The following KRT31 variants were observed in gnomAD, a reference collection of about 807,000 sequenced individuals.
The protein encoded by KRT31 is keratin 31, also known as keratin, type I cuticular Ha1.
In KRT31, 27 loss-of-function variants were observed where a neutral mutation model predicts 40.8. The observed-to-expected ratio is 0.66, with a 90% CI of 0.49 to 0.91. The LOEUF is 0.91. KRT31 is among the 40% of genes least tolerant of loss of function. KRT31 has a pLI of 0.00. For missense variants in KRT31, 510 were observed against 544.1 expected (o/e 0.94, Z 0.62); for synonymous variants, 231 against 231.9 (o/e 1.00, Z 0.03).
Position 41,393,899 on chromosome 17 carries a change from G to A in KRT31, c.*117C>T, listed in dbSNP as rs1047449. On this transcript the variant is annotated 3_prime_UTR_variant, in exon 7 of 7. Transcript: ENST00000251645. ...TGGGTGAGTTTCTTGGCTGCCTTAC[G>A]CGGGCAACTCCAGCCATGCAAATGA... 9.7e-5 allele frequency: 113 copies of A among 1,170,542 alleles called. No individual in the cohort carries two copies. The highest frequency in any genetic ancestry group is 2.9e-4 in the Middle Eastern group (1 of 3,416). 72.5% of individuals were successfully genotyped at this position (1,170,542 alleles called of 1,614,324 possible). A position where few individuals can be genotyped will look rare whatever the true frequency, so the allele number is the denominator to read the frequency against.
Position 41,397,245 on chromosome 17 carries a change from G to A in KRT31, c.295C>T (p.Leu99=). 3.7e-6 allele frequency: 6 copies of A among 1,614,242 alleles called. No homozygotes were observed. Among genetic ancestry groups the A allele is most frequent in the Non-Finnish European group, 4.2e-6 (5 of 1,180,040 alleles). ...RERSQQQEPL[L]CPSYQSYFKT... ...AAATAGGACTGGTAACTGGGGCACA[G>A]CAAGGGCTCCTGCTGCTGAGACCGC... Residue 99 remains leucine, a synonymous_variant, in exon 1 of 7, where the codon CTG becomes TTG. Transcript: ENST00000251645.
chr17:41,395,738 G>T, intron 3 of KRT31, 115 bp from the exon 4 acceptor site: 1 of 1,284,478 alleles, frequency 7.8e-7, no homozygotes, highest in Non-Finnish European at 1.1e-6. Context: ...AACTTTGAGT[G>T]GAGCAGTTTG....
At chr17:41,396,082 A>T (rs1460903589) in intron 3 of KRT31, among the ~76,000 whole-genome samples, 1 of 149,706 alleles carries the variant, frequency 6.7e-6, no homozygotes, top group Non-Finnish European at 1.5e-5. Flanking sequence ...ATAAGGTTTG[A>T]TATTTTTTTT....
chr17:41,397,265 G>A lies in KRT31; in HGVS notation c.275C>T (p.Ser92Phe). Residue 92 changes from serine to phenylalanine, a missense_variant, in exon 1 of 7, where the codon TCT (serine) becomes TTT (phenylalanine). Transcript: ENST00000251645. ...GCACAGCAAGGGCTCCTGCTGCTGAGACCGCTCCCGGATGAGGTTCTCCAG... is the reference window on the plus strand; with the variant it reads ...GCACAGCAAGGGCTCCTGCTGCTGAAACCGCTCCCGGATGAGGTTCTCCAG... ...AELENLIRER[S>F]QQQEPLLCPS... 1.2e-6 allele frequency: 2 copies of A among 1,614,224 alleles called. No individual in the cohort carries two copies. The highest frequency in any genetic ancestry group is 1.7e-6 in the Non-Finnish European group (2 of 1,180,036).
chr17:41,396,350 C>T (rs929499712), intron 3 of KRT31, 70 bp downstream of exon 3: 2 of 1,498,002 alleles, frequency 1.3e-6, no homozygotes, highest in African/African-American at 2.8e-5. Context: ...ATTCTGCTGC[C>T]CCAAATCACT....
chr17:41,395,132 A>G (rs1218619792), intron 5 of KRT31, 64 bp from the exon 6 acceptor site: 6 of 1,609,164 alleles, frequency 3.7e-6, no homozygotes, highest in Non-Finnish European at 5.1e-6. Flanking sequence ...TCACAGGATT[A>G]CAAGGAAGTC....
Position 41,394,842 on chromosome 17 carries a change from A to G in KRT31, c.1097+6T>C. Reference sequence around the variant, plus strand: ...TTTCATCAAACACGTCTGCCCATGTACTCACTTGCAGTCCTCGCTCTCCAG... The same window carrying G: ...TTTCATCAAACACGTCTGCCCATGTGCTCACTTGCAGTCCTCGCTCTCCAG... On this transcript the variant is annotated splice_donor_region_variant and intron_variant, in intron 6 of 6. Transcript: ENST00000251645. 1.2e-6 allele frequency: 2 copies of G among 1,613,938 alleles called. No individual in the cohort carries two copies. Among genetic ancestry groups the G allele is most frequent in the South Asian group, 1.1e-5 (1 of 91,074 alleles).
rs192729451 is a variant in KRT31 at position 41,393,900 on chromosome 17, C to T, written c.*116G>A. On this transcript the variant is annotated 3_prime_UTR_variant, in exon 7 of 7. Transcript: ENST00000251645. ...GGGTGAGTTTCTTGGCTGCCTTACG[C>T]GGGCAACTCCAGCCATGCAAATGAT... 332 of 1,203,414 alleles carry T rather than the reference C, an allele frequency of 2.8e-4. 3 individuals are homozygous for T. The East Asian group carries it at 5.7e-3, about 21-fold the overall frequency. 74.5% of individuals were successfully genotyped at this position (1,203,414 alleles called of 1,614,324 possible).
At chr17:41,396,170 A>G (rs739684) in intron 3 of KRT31, among the ~76,000 whole-genome samples, 38,318 of 151,964 alleles carry the variant, frequency 0.25, 4,910 homozygotes, top group East Asian at 0.35. Context: ...TTCTACAACT[A>G]TTGATCAACT....
chr17:41,393,862 G>A lies in KRT31; in HGVS notation c.*154C>T, dbSNP rs1047450. ...CAGGACAGTCTGGAGTAGTTGGGGA[G>A]GCTACAGGCTTTGGGTGAGTTTCTT... On this transcript the variant is annotated 3_prime_UTR_variant, in exon 7 of 7. Transcript: ENST00000251645. The A allele has an allele frequency of 1.2e-4, 90 of 731,888 alleles. 1 individual carries two copies. Among genetic ancestry groups the A allele is most frequent in the South Asian group, 1.1e-3 (60 of 52,448 alleles). 45.3% of individuals were successfully genotyped at this position (731,888 alleles called of 1,614,324 possible).
chr17:41,396,282 T>C (rs375523343), intron 3 of KRT31, 138 bp downstream of exon 3: 1 of 757,996 alleles, frequency 1.3e-6, no homozygotes. Context: ...CTCTCTCCAA[T>C]TTTTCTCTTA....
At position 41,397,001 on chromosome 17, in the gene KRT31, G is replaced by A. The variant is rs1191695592; in HGVS notation, c.349-6C>T. ...TCAGACTTGGTACACAGGATCTGGGGAGTGAGAGGTGGCTTAGTGAGGACT... is the reference window on the plus strand; with the variant it reads ...TCAGACTTGGTACACAGGATCTGGGAAGTGAGAGGTGGCTTAGTGAGGACT... On this transcript the variant is annotated splice_polypyrimidine_tract_variant and splice_region_variant and intron_variant, in intron 1 of 6. Transcript: ENST00000251645. 1.2e-6 allele frequency: 2 copies of A among 1,612,644 alleles called. No individual in the cohort carries two copies. The highest frequency in any genetic ancestry group is 2.2e-5 in the East Asian group (1 of 44,876).
Position 41,395,553 on chromosome 17 carries a change from T to G in KRT31, c.659A>C (p.Asp220Ala), listed in dbSNP as rs2018211892. The G allele has an allele frequency of 6.2e-7, 1 of 1,614,196 alleles. No homozygotes were observed. Among genetic ancestry groups the G allele is most frequent in the Non-Finnish European group, 8.5e-7 (1 of 1,180,022 alleles). Reference sequence around the variant, plus strand: ...GGTCTCGTTCAGCACCCGATTCAGGTCCACAGTGGGAGCAGCATCCACCTC... The same window carrying G: ...GGTCTCGTTCAGCACCCGATTCAGGGCCACAGTGGGAGCAGCATCCACCTC... ...NVEVDAAPTV[D>A]LNRVLNETRS... Residue 220 changes from aspartate to alanine, a missense_variant, in exon 4 of 7, where the codon GAC becomes GCC. Transcript: ENST00000251645.
rs1367363048 is a variant in KRT31, at chr17:41,397,575, G to C, written c.-36C>G. The C allele has an allele frequency of 6.4e-7, 1 of 1,564,758 alleles. No homozygotes were observed. The highest frequency in any genetic ancestry group is 8.7e-7 in the Non-Finnish European group (1 of 1,155,558). The stretch of plus-strand genomic sequence containing the variant: ...GGGAGGGAGGGAGTGCCTGGCTGAA[G>C]ACAGAGTCTAAATTCTCCAAGCCAC... On this transcript the variant is annotated 5_prime_UTR_variant, in exon 1 of 7. Coordinates refer to ENST00000251645, the MANE Select transcript of KRT31 (RefSeq NM_002277.3).
rs2018227722 is a variant in KRT31 at position 41,396,440 on chromosome 17, G to A, written c.568C>T (p.Leu190Phe). ...CTCACCTGCTCATGGTTGCTCTTGAGGCAGAGCAGCTCCTCCTTCAGGGAC... is the reference window on the plus strand; with the variant it reads ...CTCACCTGCTCATGGTTGCTCTTGAAGCAGAGCAGCTCCTCCTTCAGGGAC... ...VESLKEELLC[L>F]KSNHEQEVNT... The change falls in exon 3 of 7, where the codon CTC becomes TTC. Residue 190 changes from leucine to phenylalanine, a missense_variant. Transcript: ENST00000251645. The A allele has an allele frequency of 1.9e-6, 3 of 1,614,086 alleles. No homozygotes were observed. Among genetic ancestry groups the A allele is most frequent in the Non-Finnish European group, 2.5e-6 (3 of 1,179,986 alleles).
At chr17:41,395,848 G>C (rs899420347) in intron 3 of KRT31, among the ~76,000 whole-genome samples, 1 of 152,186 alleles carries the variant, frequency 6.6e-6, no homozygotes, top group Non-Finnish European at 1.5e-5. Context: ...TTGCTTGGAT[G>C]CCACTGAAGG....
chr17:41,397,197 G>C lies in KRT31; in HGVS notation c.343C>G (p.Gln115Glu), dbSNP rs2018244750. ...SYFKTIEELQ[Q>E]KILCTKSENA... ...ATGACAGCAATGCCGCTCACCTTCT[G>C]CTGGAGCTCCTCAATGGTCTTAAAA... The change falls in exon 1 of 7, where the codon CAG (glutamine) becomes GAG (glutamate). Residue 115 changes from glutamine to glutamate, a missense_variant. Gln to Glu is a conservative substitution (Grantham distance 29, BLOSUM62 2). Coordinates refer to ENST00000251645, the MANE Select transcript of KRT31 (RefSeq NM_002277.3). The C allele has an allele frequency of 1.9e-6, 3 of 1,613,494 alleles. No homozygotes were observed. The highest frequency in any genetic ancestry group is 1.3e-5 in the African/African-American group (1 of 74,916).
At position 41,393,907 on chromosome 17, in the gene KRT31, C is replaced by T. The variant is rs1358424590; in HGVS notation, c.*109G>A. On this transcript the variant is annotated 3_prime_UTR_variant, in exon 7 of 7. Coordinates refer to ENST00000251645, the MANE Select transcript of KRT31 (RefSeq NM_002277.3). ...TTTCTTGGCTGCCTTACGCGGGCAA[C>T]TCCAGCCATGCAAATGATGTTTTCA... 1.7e-5 allele frequency: 22 copies of T among 1,296,852 alleles called. No individual in the cohort carries two copies. The highest frequency in any genetic ancestry group is 2.3e-5 in the Non-Finnish European group (22 of 958,414). The allele number at this position is 1,296,852 out of a possible 1,614,324, so 80.3% of individuals were successfully genotyped here. A position where few individuals can be genotyped will look rare whatever the true frequency, so the allele number is the denominator to read the frequency against.
chr17:41,397,147 T>TCA (rs2018243410), intron 1 of KRT31, 45 bp downstream of exon 1: 10 of 1,603,304 alleles, frequency 6.2e-6, no homozygotes, highest in Non-Finnish European at 7.7e-6. Context: ...ACAGACAGAA[T>TCA]CACAGCAAAC....
Sources: gnomAD v4.1 joint callset for allele counts (sites outside exome capture counted in the v4.1 genomes callset) on GRCh38, gnomAD v4.1.1 for gene constraint, MANE v1.5 for transcripts, NCBI Gene and HGNC (gene_info 2026-07-23, HGNC 2026-07-21) for gene names.